RBFOX3: variants seen among roughly 807,000 people sequenced by gnomAD.
RBFOX3 encodes RNA binding fox-1 homolog 3.
A neutral mutation model predicts 48.7 loss-of-function variants in RBFOX3; 17 were observed. The observed-to-expected ratio is 0.35, with a 90% CI of 0.24 to 0.52. The LOEUF is 0.52. Ranked by LOEUF, RBFOX3 falls within the 20% of genes least tolerant of loss-of-function variation. The pLI is 0.94. For missense variants in RBFOX3, 382 were observed against 497.5 expected, an observed-to-expected ratio of 0.77 and a Z score of 2.21; for synonymous variants, 212 against 209.5, an observed-to-expected ratio of 1.01 and a Z score of -0.10.
At chr17:79,376,420 C>T (rs2059231198) in intron 2 of RBFOX3, among the ~76,000 whole-genome samples, 1 of 152,148 alleles carries the variant, frequency 6.6e-6, no homozygotes, top group African/African-American at 2.4e-5. Flanking sequence ...CCGCAGGACC[C>T]TCTCTCTGCA....
At position 79,111,861 on chromosome 17, in the gene RBFOX3, G is replaced by A. The variant is rs542525382; in HGVS notation, c.222+3633C>T. 6.6e-6 allele frequency among the ~76,000 whole-genome samples: 1 copy of A among 152,382 alleles called. No homozygotes were observed. Among genetic ancestry groups the A allele is most frequent in the African/African-American group, 2.4e-5 (1 of 41,596 alleles). On this transcript the variant is annotated intron_variant, in intron 5 of 14. Transcript: ENST00000693108. The surrounding 1 kb of genome is among the most constrained non-coding windows in gnomAD (Gnocchi z 4.2). ...CCCTGCTGGGGAACACAGACCCTGG[G>A]GGTGGCTCAAGGTAGTGAGATGGGG...
At chr17:79,356,795 G>A (rs1341366898) in intron 2 of RBFOX3, among the ~76,000 whole-genome samples, 1 of 152,098 alleles carries the variant, frequency 6.6e-6, no homozygotes, top group Non-Finnish European at 1.5e-5. Flanking sequence ...AGAATTTGTT[G>A]GGAAGAATCA....
At chr17:79,559,643 G>GTGGATGGGGGGA (rs2092052135) in intron 1 of RBFOX3, among the ~76,000 whole-genome samples, 1 of 108,448 alleles carries the variant, frequency 9.2e-6, no homozygotes, top group Non-Finnish European at 1.9e-5. Flanking sequence ...ATGGTGAATA[G>GTGGATGGGGGGA]TGGATGGGTG....
intron 4 of RBFOX3, among the ~76,000 whole-genome samples, chr17:79,227,589 C>G (rs1288608852): frequency 6.6e-6 from 1 of 152,222 alleles, no homozygotes; most frequent in Non-Finnish European, 1.5e-5. Context: ...TCCCGGCTGG[C>G]TGGGGGATGG....
intron 1 of RBFOX3, among the ~76,000 whole-genome samples, chr17:79,587,463 T>A (rs1188460823): frequency 1.3e-5 from 2 of 152,234 alleles, no homozygotes; most frequent in African/African-American, 4.8e-5. Context: ...CCCTGCTGTT[T>A]TCATCCTAAC....
intron 2 of RBFOX3, among the ~76,000 whole-genome samples, chr17:79,406,308 G>A (rs2063526984): frequency 6.6e-6 from 1 of 152,208 alleles, no homozygotes; most frequent in Non-Finnish European, 1.5e-5. Flanking sequence ...GCTCAGCACT[G>A]CTTCAGCCCC....
intron 4 of RBFOX3, among the ~76,000 whole-genome samples, chr17:79,197,361 A>G (rs2055822369): frequency 2.7e-5 from 4 of 149,924 alleles, no homozygotes; most frequent in African/African-American, 7.4e-5. Context: ...AAACCAGGAA[A>G]CAGATATTTC....
At position 79,568,382 on chromosome 17, in the gene RBFOX3, C is replaced by A. The variant is rs1351321966; in HGVS notation, c.-320+42444G>T. 9.2e-5 allele frequency among the ~76,000 whole-genome samples: 14 copies of A among 152,286 alleles called. No individual in the cohort carries two copies. The South Asian group carries it at 1.2e-3, about 14-fold the overall frequency. ...GTGAGCACTGACATGATGCTCAAAG[C>A]AAATGCTCACTGGAGCATTTTGGTT... On this transcript the variant is annotated intron_variant, in intron 1 of 14. Transcript: ENST00000693108.
chr17:79,588,777 T>C (rs2093331552), intron 1 of RBFOX3, among the ~76,000 whole-genome samples: 1 of 151,388 alleles, frequency 6.6e-6, no homozygotes, highest in African/African-American at 2.4e-5. Context: ...CGTCCTGAGC[T>C]TGGACCTGGG....
rs1053309411 is a variant in RBFOX3, at chr17:79,252,430, TG to T, written c.-73-16626del. Among the ~76,000 whole-genome samples the T allele has an allele frequency of 6.6e-6, 1 of 152,198 alleles. No individual in the cohort carries two copies. Among genetic ancestry groups the T allele is most frequent in the African/African-American group, 2.4e-5 (1 of 41,464 alleles). On this transcript the variant is annotated intron_variant, in intron 3 of 14. Transcript: ENST00000693108. This position sits in a 1 kb window ranked among gnomAD's most constrained non-coding sequence, Gnocchi z 4.0. ...CACCCGTCCAAGTGAGCAAGTCAGCTGGGGTCCACTCTGACCCTCCCTCTCT... is the reference window on the plus strand; with the variant it reads ...CACCCGTCCAAGTGAGCAAGTCAGCTGGGTCCACTCTGACCCTCCCTCTCT...
the RBFOX3 span, among the ~76,000 whole-genome samples, chr17:79,664,190 T>C: frequency 6.6e-6 from 1 of 152,084 alleles, no homozygotes; most frequent in Non-Finnish European, 1.5e-5. Context: ...TTTTTTTTTT[T>C]TTGAGATGGA....
intron 2 of RBFOX3, among the ~76,000 whole-genome samples, chr17:79,475,448 G>A (rs777764785): frequency 1.2e-3 from 184 of 152,278 alleles, no homozygotes; most frequent in Non-Finnish European, 2.3e-3. Flanking sequence ...CATAGTGCCT[G>A]GGTTCATCTT....
rs114909519 is a variant in RBFOX3, at chr17:79,325,350, G to A, written c.-174-17526C>T. 5.3e-3 allele frequency among the ~76,000 whole-genome samples: 802 copies of A among 152,318 alleles called. 7 individuals are homozygous for A. The highest frequency in any genetic ancestry group is 0.018 in the African/African-American group (766 of 41,574). ...TGGGCTCAAATGTGGTGGGAAATTT[G>A]AGGACTTGGGTCATCTCATTGAAAG... On this transcript the variant is annotated intron_variant, in intron 2 of 14. Transcript: ENST00000693108.
At chr17:79,607,237 A>G (rs1374410324) in intron 1 of RBFOX3, among the ~76,000 whole-genome samples, 1 of 152,120 alleles carries the variant, frequency 6.6e-6, no homozygotes, top group Non-Finnish European at 1.5e-5. Flanking sequence ...AGAAAGTTTC[A>G]AGATGGCTTC....
intron 4 of RBFOX3, among the ~76,000 whole-genome samples, chr17:79,158,520 C>T (rs1282870160): frequency 6.6e-6 from 1 of 152,176 alleles, no homozygotes; most frequent in Non-Finnish European, 1.5e-5. Context: ...GGGCACCTTG[C>T]TTGCAGCTCT....
intron 3 of RBFOX3, among the ~76,000 whole-genome samples, chr17:79,290,553 C>T (rs1467080121): frequency 1.3e-5 from 2 of 152,032 alleles, no homozygotes; most frequent in Admixed American, 6.5e-5. Flanking sequence ...CGTCCCTTCT[C>T]GGTATAGCCA....
chr17:79,248,535 G>A (rs758279968), intron 3 of RBFOX3, among the ~76,000 whole-genome samples: 6 of 152,320 alleles, frequency 3.9e-5, no homozygotes, highest in African/African-American at 9.6e-5. Flanking sequence ...TCATTTCCAC[G>A]TGTTAAACTG....
intron 2 of RBFOX3, among the ~76,000 whole-genome samples, chr17:79,398,631 G>A (rs1242263293): frequency 1.3e-5 from 2 of 152,246 alleles, no homozygotes; most frequent in African/African-American, 2.4e-5. Flanking sequence ...CGTACAGGGC[G>A]GCCTCCACCG....
chr17:79,440,764 C>G (rs2070731349), intron 2 of RBFOX3, among the ~76,000 whole-genome samples: 1 of 152,124 alleles, frequency 6.6e-6, no homozygotes, highest in African/African-American at 2.4e-5. Flanking sequence ...GGCCATTAGC[C>G]CCTCCCCACC....
Sources: gnomAD v4.1 joint callset for allele counts (sites outside exome capture counted in the v4.1 genomes callset) on GRCh38, gnomAD v4.1.1 for gene constraint, Gnocchi (gnomAD v3.1) non-coding constraint, MANE v1.5 for transcripts, NCBI Gene and HGNC (gene_info 2026-07-23, HGNC 2026-07-21) for gene names.